Variants in ATG10 observed in about 807,000 individuals in gnomAD.
ATG10 encodes the protein ubiquitin-like-conjugating enzyme ATG10.
A neutral mutation model predicts 32.1 loss-of-function variants in ATG10; 30 were observed. That is an observed-to-expected ratio of 0.94 (90% confidence interval 0.70 to 1.27). The LOEUF (loss-of-function observed/expected upper bound fraction) is 1.27. Among genes scored for constraint, ATG10 ranks in the 50% most tolerant of loss-of-function variants. The pLI is 0.00. For missense variants in ATG10, 233 were observed against 262.3 expected, an observed-to-expected ratio of 0.89 and a Z score of 0.77; for synonymous variants, 87 against 91.5, an observed-to-expected ratio of 0.95 and a Z score of 0.28.
At chr5:82,016,432 G>C (rs1257758847) in intron 2 of ATG10, among the ~76,000 whole-genome samples, 1 of 152,058 alleles carries the variant, frequency 6.6e-6, no homozygotes, top group Non-Finnish European at 1.5e-5. Flanking sequence ...CTGTTCTGTT[G>C]GTCTATAGGC....
At chr5:82,110,668 T>C (rs1457851259) in intron 3 of ATG10, among the ~76,000 whole-genome samples, 4 of 151,876 alleles carry the variant, frequency 2.6e-5, no homozygotes, top group African/African-American at 2.4e-5. Flanking sequence ...TCTTGTAAAT[T>C]TGTTTGAGTT....
At chr5:82,010,039 G>T (rs1178866637) in intron 2 of ATG10, 3 of 1,610,492 alleles carry the variant, frequency 1.9e-6, no homozygotes, top group Non-Finnish European at 2.5e-6. Flanking sequence ...AAGGAGACGC[G>T]GCCCAAGGGC....
At chr5:81,979,600 C>T (rs909959570) in intron 1 of ATG10, among the ~76,000 whole-genome samples, 2 of 151,936 alleles carry the variant, frequency 1.3e-5, no homozygotes, top group Non-Finnish European at 2.9e-5. Context: ...AATCCCCAGA[C>T]ATTGCAGACA....
intron 2 of ATG10, among the ~76,000 whole-genome samples, chr5:82,029,923 A>G (rs910330710): frequency 1.3e-5 from 2 of 152,156 alleles, no homozygotes; most frequent in African/African-American, 2.4e-5. Context: ...TTGGTTAGTA[A>G]TAGTACCAAT....
At chr5:82,060,321 CT>C (rs1202462503) in intron 3 of ATG10, among the ~76,000 whole-genome samples, 1 of 152,104 alleles carries the variant, frequency 6.6e-6, no homozygotes, top group East Asian at 1.9e-4. Flanking sequence ...ATGTTGATCC[CT>C]CTGTCTATTA....
rs568704010 is a variant in ATG10, at chr5:81,982,351, A to G, written c.-12-5208A>G. On this transcript the variant is annotated intron_variant, in intron 1 of 7. Coordinates refer to ENST00000282185, the MANE Select transcript of ATG10 (RefSeq NM_031482.5). ...TGTGGTGGTGTGTGCCTGTAGTCCC[A>G]GCTACTTGGGATGCTGAGTCAGGAG... Among the ~76,000 whole-genome samples the G allele has an allele frequency of 4.6e-5, 7 of 152,290 alleles. No individual in the cohort carries two copies. The East Asian group carries it at 1.4e-3, about 29-fold the overall frequency.
intron 2 of ATG10, among the ~76,000 whole-genome samples, chr5:82,015,390 G>A (rs532084508): frequency 2.6e-5 from 4 of 152,294 alleles, no homozygotes; most frequent in Admixed American, 1.3e-4. Context: ...CTAGGTTGGG[G>A]AAGTTCTCCT....
intron 2 of ATG10, among the ~76,000 whole-genome samples, chr5:82,022,184 G>A (rs981496180): frequency 6.7e-4 from 100 of 149,864 alleles, no homozygotes; most frequent in African/African-American, 2.2e-3. Context: ...GCAATACTCC[G>A]TCTCAAAAAA....
chr5:82,250,928 C>A (rs1747231921), intron 5 of ATG10, among the ~76,000 whole-genome samples: 1 of 152,218 alleles, frequency 6.6e-6, no homozygotes, highest in Non-Finnish European at 1.5e-5. Flanking sequence ...CCCAACACAT[C>A]AGGGCTTTGA....
intron 1 of ATG10, among the ~76,000 whole-genome samples, chr5:81,976,593 T>C (rs983550106): frequency 6.6e-6 from 1 of 152,214 alleles, no homozygotes; most frequent in Admixed American, 6.5e-5. Flanking sequence ...ATGATCCAAG[T>C]AAGGCTACTC....
At chr5:82,196,354 G>A (rs374440498) in intron 5 of ATG10, among the ~76,000 whole-genome samples, 4 of 151,792 alleles carry the variant, frequency 2.6e-5, no homozygotes, top group African/African-American at 4.8e-5. Context: ...TCTTGATAGC[G>A]TTCTTTGGCT....
chr5:82,058,715 G>C (rs1436859149), intron 3 of ATG10, 113 bp downstream of exon 3: 1 of 627,708 alleles, frequency 1.6e-6, no homozygotes, highest in African/African-American at 1.8e-5. Flanking sequence ...ACAATTATAT[G>C]GCACTCATAT....
Position 82,139,642 on chromosome 5 carries a change from C to CCGG in ATG10, c.217-24756_217-24755insGGC, listed in dbSNP as rs1425008525. On this transcript the variant is annotated intron_variant, in intron 3 of 7. Coordinates refer to ENST00000282185, the MANE Select transcript of ATG10 (RefSeq NM_031482.5). ...TCTGGGAAGTGAGGAGCGTCTCCGC[C>CCGG]CAGCAGCCACCCCATCTGGGAAGTG... Among the ~76,000 whole-genome samples, 2 of 137,842 alleles carry CCGG rather than the reference C, an allele frequency of 1.5e-5. 1 individual carries two copies. Among genetic ancestry groups the CCGG allele is most frequent in the African/African-American group, 5.5e-5 (2 of 36,358 alleles). 90.4% of individuals were successfully genotyped at this position (137,842 alleles called of 152,430 possible).
intron 3 of ATG10, among the ~76,000 whole-genome samples, chr5:82,119,816 T>G (rs959135922): frequency 6.6e-6 from 1 of 152,198 alleles, no homozygotes; most frequent in Non-Finnish European, 1.5e-5. Context: ...TTGTTTTTAC[T>G]CTTCTGGTTT....
intron 2 of ATG10, among the ~76,000 whole-genome samples, chr5:82,028,223 G>A (rs529447537): frequency 1.3e-5 from 2 of 152,288 alleles, no homozygotes; most frequent in African/African-American, 4.8e-5. Flanking sequence ...TATCAAATGA[G>A]TCAGGTTTTA....
chr5:82,109,950 T>TCCCCCC (rs5869105), intron 3 of ATG10, among the ~76,000 whole-genome samples: 73 of 145,442 alleles, frequency 5.0e-4, no homozygotes, highest in Non-Finnish European at 8.7e-4. Context: ...CTATCCCCCA[T>TCCCCCC]CCCCCCACCC....
At chr5:82,003,836 A>T (rs928219842) in intron 2 of ATG10, among the ~76,000 whole-genome samples, 9 of 152,194 alleles carry the variant, frequency 5.9e-5, no homozygotes, top group African/African-American at 1.9e-4. Flanking sequence ...ATTTTATCTA[A>T]TAAATATAAA....
intron 3 of ATG10, among the ~76,000 whole-genome samples, chr5:82,110,685 A>G (rs901014016): frequency 6.6e-6 from 1 of 152,024 alleles, no homozygotes; most frequent in African/African-American, 2.4e-5. Context: ...AGTTCATTGT[A>G]GATTCTGGAT....
chr5:82,113,348 T>C (rs947937484), intron 3 of ATG10, among the ~76,000 whole-genome samples: 1 of 151,972 alleles, frequency 6.6e-6, no homozygotes, highest in Non-Finnish European at 1.5e-5. Context: ...CAGAGAAGAT[T>C]GCAGACTAGC....
Sources: gnomAD v4.1 joint callset for allele counts (sites outside exome capture counted in the v4.1 genomes callset) on GRCh38, gnomAD v4.1.1 for gene constraint, MANE v1.5 for transcripts, NCBI Gene and HGNC (gene_info 2026-07-23, HGNC 2026-07-21) for gene names.